FBXO34: variants seen among roughly 807,000 people sequenced by gnomAD.
FBXO34 encodes the protein F-box protein 34, also known as F-box only protein 34.
Under a neutral mutation model 24.5 loss-of-function variants are expected in FBXO34, and 12 were observed. The observed-to-expected ratio is 0.49, with a 90% confidence interval of 0.31 to 0.79. The LOEUF (loss-of-function observed/expected upper bound fraction) is 0.79, where lower values mean the gene tolerates loss of function less well. Ranked by LOEUF, FBXO34 falls within the 30% of genes least tolerant of loss-of-function variation. The pLI, the probability that FBXO34 is intolerant of heterozygous loss-of-function variation, is 0.04. For synonymous variants in FBXO34, 320 were observed against 311.9 expected (o/e 1.03, Z -0.27); for missense variants, 823 against 857.7 (o/e 0.96, Z 0.51).
At chr14:55,318,418 A>G (rs1883012820) in intron 1 of FBXO34, 1 of 38,894 alleles carries the variant, frequency 2.6e-5, no homozygotes, top group Non-Finnish European at 4.0e-5. Context: ...ATATGCAGTC[A>G]GTAACTTTTT....
chr14:55,289,665 A>G (rs146040032), intron 1 of FBXO34, among the ~76,000 whole-genome samples: 2,171 of 152,234 alleles, frequency 0.014, 59 homozygotes, highest in African/African-American at 0.049. Context: ...CCTCCCAAGT[A>G]GTTGGGAATA....
the FBXO34 span, among the ~76,000 whole-genome samples, chr14:55,418,336 C>G: frequency 0.4 from 61,118 of 152,048 alleles, 14,238 homozygotes; most frequent in East Asian, 0.59. Context: ...CATCCCTACC[C>G]CTTAGTCAGC....
At chr14:55,395,453 A>G in the FBXO34 span, among the ~76,000 whole-genome samples, 1 of 152,204 alleles carries the variant, frequency 6.6e-6, no homozygotes, top group African/African-American at 2.4e-5. Context: ...CCCGGGTTCA[A>G]GTGATTCTCC....
chr14:55,435,079 GA>G, the FBXO34 span, among the ~76,000 whole-genome samples: 29 of 149,026 alleles, frequency 1.9e-4, no homozygotes, highest in Admixed American at 4.7e-4. Context: ...TGAGGAGGAC[GA>G]AAAAAAAAAT....
the FBXO34 span, chr14:55,391,311 T>G: frequency 3.4e-5 from 6 of 179,094 alleles, no homozygotes; most frequent in South Asian, 1.1e-4. Context: ...CCATCTCTAC[T>G]AAAAAAATAC....
the FBXO34 span, among the ~76,000 whole-genome samples, chr14:55,420,809 C>T: frequency 6.6e-6 from 1 of 152,056 alleles, no homozygotes; most frequent in South Asian, 2.1e-4. Flanking sequence ...CCTGTAATCC[C>T]AGCACTTTGG....
At chr14:55,323,218 A>AAAAAT (rs1566555819) in intron 1 of FBXO34, among the ~76,000 whole-genome samples, 35 of 31,620 alleles carry the variant, frequency 1.1e-3, no homozygotes, top group African/African-American at 2.3e-3. Flanking sequence ...AAAAAAAAAA[A>AAAAAT]ATATATATTT....
At chr14:55,437,828 C>A in the FBXO34 span, among the ~76,000 whole-genome samples, 1 of 152,150 alleles carries the variant, frequency 6.6e-6, no homozygotes, top group Non-Finnish European at 1.5e-5. Flanking sequence ...GTTATTCCTT[C>A]TAGGCAAAGG....
chr14:55,353,876 C>T (rs1327245714), downstream of FBXO34, among the ~76,000 whole-genome samples: 5 of 152,094 alleles, frequency 3.3e-5, no homozygotes, highest in Non-Finnish European at 7.3e-5. Flanking sequence ...CTTATCTAGG[C>T]GTCATCATTT....
At chr14:55,365,941 T>C (rs546836606), downstream of FBXO34, among the ~76,000 whole-genome samples, 1 of 152,074 alleles carries the variant, frequency 6.6e-6, no homozygotes, top group Non-Finnish European at 1.5e-5. Context: ...TGGGAGAAAT[T>C]AGTTATAAAA....
chr14:55,318,098 T>C (rs1328821308), intron 1 of FBXO34: 2 of 151,990 alleles, frequency 1.3e-5, no homozygotes, highest in African/African-American at 4.8e-5. Flanking sequence ...TAACTCTTAC[T>C]CATTTATTTT....
chr14:55,421,230 A>T, the FBXO34 span, among the ~76,000 whole-genome samples: 1 of 152,164 alleles, frequency 6.6e-6, no homozygotes, highest in African/African-American at 2.4e-5. Context: ...GTTTCCTTCC[A>T]AAGGACTTGA....
the FBXO34 span, among the ~76,000 whole-genome samples, chr14:55,405,702 C>T: frequency 1.3e-5 from 2 of 152,304 alleles, no homozygotes; most frequent in African/African-American, 4.8e-5. Flanking sequence ...AATACATAAT[C>T]CATACAGTTC....
chr14:55,319,763 C>A (rs1440844234), intron 1 of FBXO34, among the ~76,000 whole-genome samples: 1 of 152,150 alleles, frequency 6.6e-6, no homozygotes, highest in Non-Finnish European at 1.5e-5. Context: ...GCAAGCTCTG[C>A]CTCCCGGGTT....
the FBXO34 span, among the ~76,000 whole-genome samples, chr14:55,389,514 T>A: frequency 1.3e-5 from 2 of 152,194 alleles, no homozygotes; most frequent in Non-Finnish European, 2.9e-5. Context: ...TTTACACCAT[T>A]ACATGCCACT....
At chr14:55,324,731 T>C (rs1883283755) in intron 1 of FBXO34, among the ~76,000 whole-genome samples, 1 of 152,226 alleles carries the variant, frequency 6.6e-6, no homozygotes, top group Non-Finnish European at 1.5e-5. Flanking sequence ...TGCCTTTTAT[T>C]AAAGGAAAAG....
At chr14:55,294,171 T>A (rs1465712749) in intron 1 of FBXO34, among the ~76,000 whole-genome samples, 1 of 152,164 alleles carries the variant, frequency 6.6e-6, no homozygotes, top group African/African-American at 2.4e-5. Flanking sequence ...GTTACCTCCT[T>A]GAAACATGCT....
chr14:55,386,245 TGA>T, the FBXO34 span: 6 of 650,452 alleles, frequency 9.2e-6, no homozygotes, highest in South Asian at 1.1e-4. Flanking sequence ...GTGGAAAATT[TGA>T]GAGTTTAGTT....
the FBXO34 span, among the ~76,000 whole-genome samples, chr14:55,402,962 T>TAA: frequency 3.3e-5 from 2 of 59,944 alleles, no homozygotes; most frequent in Non-Finnish European, 6.3e-5. Context: ...TATATATATA[T>TAA]ATATATAAAT....
Sources: allele counts gnomAD v4.1 joint callset (sites outside exome capture counted in the v4.1 genomes callset), GRCh38; gene constraint gnomAD v4.1.1; transcripts MANE v1.5; gene names NCBI Gene and HGNC (gene_info 2026-07-23, HGNC 2026-07-21).